RUVBL1: variants seen among roughly 807,000 people sequenced by gnomAD.
RUVBL1 encodes the protein RuvB like AAA ATPase 1.
RUVBL1 carries 4 observed loss-of-function variants against 52.4 expected under a neutral mutation model. The observed-to-expected ratio is 0.08, with a 90% confidence interval of 0.04 to 0.17. RUVBL1 has a LOEUF of 0.17. RUVBL1 is among the 10% of genes least tolerant of loss of function. The pLI, the probability that RUVBL1 is intolerant of heterozygous loss-of-function variation, is 1.00. For synonymous variants in RUVBL1, 217 were observed against 214.4 expected, an observed-to-expected ratio of 1.01 and a Z score of -0.10; for missense variants, 298 against 572.8, an observed-to-expected ratio of 0.52 and a Z score of 4.90.
exon 1 of RUVBL1, chr3:128,153,622 CAGCCGCAG>C: frequency 6.3e-7 from 1 of 1,597,300 alleles, no homozygotes; most frequent in Admixed American, 1.7e-5. Flanking sequence ...CTTTGACAAG[CAGCCGCAG>C]AGCCGCGAGC....
At chr3:128,111,553 C>T (rs553246091) in intron 3 of RUVBL1, among the ~76,000 whole-genome samples, 12 of 152,328 alleles carry the variant, frequency 7.9e-5, no homozygotes, top group Admixed American at 2.0e-4. Context: ...ACTGCCACCA[C>T]CCTGGTCCAA....
downstream of RUVBL1, among the ~76,000 whole-genome samples, chr3:128,080,124 C>T (rs1032025489): frequency 3.9e-5 from 6 of 152,170 alleles, no homozygotes; most frequent in South Asian, 2.1e-4. Flanking sequence ...AGTGGGCGAA[C>T]GCAGAGATTC....
chr3:128,071,254 C>T (rs1942159310), intron 9 of RUVBL1: 1 of 152,560 alleles, frequency 6.6e-6, no homozygotes, highest in African/African-American at 2.4e-5. Flanking sequence ...TGGCCCAGGG[C>T]TTACCACCCT....
chr3:128,111,036 C>A (rs35421223), intron 3 of RUVBL1, among the ~76,000 whole-genome samples: 20,028 of 151,640 alleles, frequency 0.13, 1,437 homozygotes, highest in South Asian at 0.18. Context: ...ACCATCCTGG[C>A]CAACATGGTG....
In RUVBL1 at chr3:128,136,640, A is replaced by AC. The variant is rs1943952463; in HGVS notation, c.-40+16562dup. On this transcript the variant is annotated intron_variant, in intron 1 of 9. Transcript: ENST00000464873. ...GACCCTGTCAAAAAAAAAAAAAAAA[A>AC]CAATGATCTATTGCCTATAAGAAAC... Among the ~76,000 whole-genome samples, 3 of 151,578 alleles carry AC rather than the reference A, an allele frequency of 2.0e-5. No homozygotes were observed. The South Asian group carries it at 6.3e-4, about 32-fold the overall frequency.
chr3:128,120,260 G>A (rs1167525792), intron 1 of RUVBL1, among the ~76,000 whole-genome samples: 1 of 152,198 alleles, frequency 6.6e-6, no homozygotes. Context: ...CAATGACATA[G>A]AGTACTAGCT....
chr3:128,100,797 CA>C, intron 5 of RUVBL1, 53 bp from the exon 6 acceptor site: 2 of 1,607,110 alleles, frequency 1.2e-6, no homozygotes, highest in Non-Finnish European at 8.5e-7. Flanking sequence ...GCCAAGTCCC[CA>C]AATGGCACAG....
chr3:128,114,820 G>T (rs1463922036), intron 2 of RUVBL1, among the ~76,000 whole-genome samples: 1 of 148,034 alleles, frequency 6.8e-6, no homozygotes, highest in Non-Finnish European at 1.5e-5. Flanking sequence ...GGGGCCACAG[G>T]CTGGACAGGA....
chr3:128,151,614 A>G (rs1407876234), intron 1 of RUVBL1, among the ~76,000 whole-genome samples: 11 of 152,040 alleles, frequency 7.2e-5, no homozygotes, highest in Non-Finnish European at 1.3e-4. Context: ...AAGGTGGGAA[A>G]ACGGAAACAA....
chr3:128,086,838 G>A (rs1175215560), intron 9 of RUVBL1, among the ~76,000 whole-genome samples: 4 of 152,224 alleles, frequency 2.6e-5, no homozygotes, highest in Non-Finnish European at 5.9e-5. Flanking sequence ...GGACAACTGG[G>A]ACTGTGGCCC....
At chr3:128,146,380 C>T (rs1192744915) in intron 1 of RUVBL1, among the ~76,000 whole-genome samples, 2 of 150,640 alleles carry the variant, frequency 1.3e-5, no homozygotes, top group Admixed American at 6.6e-5. Flanking sequence ...TTGCCTGCTG[C>T]TGTGAGCAAG....
exon 1 of RUVBL1, chr3:128,153,875 C>T (rs1944310459): frequency 2.1e-6 from 3 of 1,447,922 alleles, no homozygotes; most frequent in East Asian, 2.8e-5. Flanking sequence ...GCGGAGCGAC[C>T]GGGCCCCGTG....
At chr3:128,142,452 T>C (rs1423180829) in intron 1 of RUVBL1, among the ~76,000 whole-genome samples, 1 of 152,246 alleles carries the variant, frequency 6.6e-6, no homozygotes. Flanking sequence ...ATTTAATCAA[T>C]AAATACGAAC....
intron 1 of RUVBL1, among the ~76,000 whole-genome samples, chr3:128,129,712 A>T (rs1943846501): frequency 6.6e-6 from 1 of 152,228 alleles, no homozygotes; most frequent in Admixed American, 6.5e-5. Flanking sequence ...GAAAATTCTG[A>T]CATGTTACAA....
intron 2 of RUVBL1, among the ~76,000 whole-genome samples, chr3:128,116,582 C>T (rs1428536821): frequency 1.3e-5 from 2 of 150,468 alleles, no homozygotes; most frequent in Non-Finnish European, 3.0e-5. Context: ...AGTGTGTAAT[C>T]TTTGATTGCA....
intron 1 of RUVBL1, among the ~76,000 whole-genome samples, chr3:128,135,032 A>C (rs1424854134): frequency 6.6e-6 from 1 of 152,232 alleles, no homozygotes; most frequent in African/African-American, 2.4e-5. Context: ...AAGTATAAGA[A>C]GGTTATAGAA....
intron 9 of RUVBL1, chr3:128,068,194 T>C: frequency 1.5e-6 from 1 of 657,480 alleles, no homozygotes; most frequent in South Asian, 1.8e-5. Flanking sequence ...CAGAATTAAA[T>C]GTTATATATT....
chr3:128,129,106 C>G (rs1943838020), intron 1 of RUVBL1, among the ~76,000 whole-genome samples: 2 of 152,162 alleles, frequency 1.3e-5, no homozygotes, highest in African/African-American at 4.8e-5. Context: ...GGCTTCAGCC[C>G]AGTGCAATGT....
chr3:128,114,914 A>C (rs1943484671), intron 2 of RUVBL1, among the ~76,000 whole-genome samples: 1 of 152,188 alleles, frequency 6.6e-6, no homozygotes, highest in African/African-American at 2.4e-5. Flanking sequence ...CTTCAAAGAC[A>C]GTGACCACAT....
Sources: gnomAD v4.1 joint callset for allele counts (sites outside exome capture counted in the v4.1 genomes callset) on GRCh38, gnomAD v4.1.1 for gene constraint, MANE v1.5 for transcripts, NCBI Gene and HGNC (gene_info 2026-07-23, HGNC 2026-07-21) for gene names.